Variants in TP63 observed in about 807,000 individuals in gnomAD.
The protein encoded by TP63 is tumor protein p63, also known as tumor protein 63.
TP63 carries 17 observed loss-of-function variants against 82.8 expected under a neutral mutation model. The ratio of observed to expected loss-of-function variants is 0.21; its 90% CI spans 0.14 to 0.31. The LOEUF (loss-of-function observed/expected upper bound fraction) is 0.31, where lower values mean the gene tolerates loss of function less well. TP63 is among the 10% of genes least tolerant of loss of function. The probability of loss-of-function intolerance (pLI) is 1.00; values close to 1 mark genes in which losing one functional copy is unlikely to be tolerated. For synonymous variants in TP63, 330 were observed against 321.7 expected, an observed-to-expected ratio of 1.03 and a Z score of -0.28; for missense variants, 648 against 895.3, an observed-to-expected ratio of 0.72 and a Z score of 3.52.
chr3:189,814,412 G>GT, intron 4 of TP63, among the ~76,000 whole-genome samples: 1 of 152,278 alleles, frequency 6.6e-6, no homozygotes, highest in Admixed American at 6.5e-5. Flanking sequence ...GATTTTATTG[G>GT]TGAGGGGCAG....
intron 1 of TP63, among the ~76,000 whole-genome samples, chr3:189,736,171 T>C (rs1307974875): frequency 6.7e-6 from 1 of 148,996 alleles, no homozygotes; most frequent in African/African-American, 2.4e-5. Flanking sequence ...CTATATTATT[T>C]AATATATTTT....
chr3:189,865,740 T>G (rs116637926), intron 5 of TP63, among the ~76,000 whole-genome samples: 244 of 152,338 alleles, frequency 1.6e-3, no homozygotes, highest in Non-Finnish European at 2.6e-3. Flanking sequence ...GGCCACATTA[T>G]CCGTACATTT....
Position 189,889,517 on chromosome 3 carries a change from C to T in TP63, c.1652+33C>T, listed in dbSNP as rs761974477. ...CACAGCATGTGCCCCTGGGGGCCTG[C>T]CCTAAGCATCCCGGGATGGTGGAGG... On this transcript the variant is annotated intron_variant, in intron 12 of 13. Transcript: ENST00000264731. 28 of 1,613,920 alleles carry T rather than the reference C, an allele frequency of 1.7e-5. No homozygotes were observed. The South Asian group carries it at 2.9e-4, about 16-fold the overall frequency.
At chr3:189,680,811 G>A (rs1447409287) in intron 1 of TP63, among the ~76,000 whole-genome samples, 1 of 152,076 alleles carries the variant, frequency 6.6e-6, no homozygotes, top group Non-Finnish European at 1.5e-5. Flanking sequence ...AGGTACAAGG[G>A]GTCCATCCTA....
At chr3:189,809,244 G>A (rs1007868589) in intron 4 of TP63, among the ~76,000 whole-genome samples, 1 of 152,040 alleles carries the variant, frequency 6.6e-6, no homozygotes, top group Non-Finnish European at 1.5e-5. Context: ...GTTTTCTAAG[G>A]AAGCATGGAA....
chr3:189,871,137 T>G (rs1010835941), intron 9 of TP63, among the ~76,000 whole-genome samples: 2 of 152,156 alleles, frequency 1.3e-5, no homozygotes, highest in African/African-American at 4.8e-5. Context: ...AAATTTCAGT[T>G]TGTACTAAGA....
chr3:189,697,051 C>T (rs1281131931), intron 1 of TP63, among the ~76,000 whole-genome samples: 2 of 151,794 alleles, frequency 1.3e-5, no homozygotes, highest in East Asian at 3.9e-4. Context: ...GTCTAAGTTA[C>T]CAATTATTTT....
intron 3 of TP63, among the ~76,000 whole-genome samples, chr3:189,781,410 TCTC>T (rs1724223486): frequency 6.6e-6 from 1 of 152,082 alleles, no homozygotes; most frequent in African/African-American, 2.4e-5. Flanking sequence ...ACCTGTGACT[TCTC>T]CTATTTTCTA....
At chr3:189,791,188 C>G (rs546494904) in intron 3 of TP63, among the ~76,000 whole-genome samples, 1 of 152,052 alleles carries the variant, frequency 6.6e-6, no homozygotes, top group African/African-American at 2.4e-5. Context: ...AATGATCTGT[C>G]CATCATGTCA....
intron 1 of TP63, among the ~76,000 whole-genome samples, chr3:189,729,208 G>T (rs1270391450): frequency 6.6e-6 from 1 of 152,160 alleles, no homozygotes; most frequent in Non-Finnish European, 1.5e-5. Flanking sequence ...GGAAGAAATT[G>T]GTTAGGATAA....
upstream of TP63, among the ~76,000 whole-genome samples, chr3:189,627,682 A>G (rs1296725716): frequency 6.6e-6 from 1 of 152,170 alleles, no homozygotes; most frequent in Non-Finnish European, 1.5e-5. Context: ...GAAAATATAC[A>G]CATAATCTAT....
chr3:189,840,359 C>CTTTTTTTTTTTTTTTTT, intron 4 of TP63, among the ~76,000 whole-genome samples: 6 of 44,446 alleles, frequency 1.3e-4, no homozygotes, highest in African/African-American at 5.4e-4. Flanking sequence ...TGCTTTTCGT[C>CTTTTTTTTTTTTTTTTT]TTTTTTTTTT....
intron 4 of TP63, among the ~76,000 whole-genome samples, chr3:189,833,452 C>T (rs372668529): frequency 2.6e-5 from 4 of 152,158 alleles, no homozygotes; most frequent in East Asian, 1.9e-4. Context: ...GAATGCAAAA[C>T]GCTTTGCAAA....
intron 4 of TP63, among the ~76,000 whole-genome samples, chr3:189,860,972 T>C (rs1716961283): frequency 6.6e-6 from 1 of 152,324 alleles, no homozygotes; most frequent in South Asian, 2.1e-4. Context: ...TTGTACCCAA[T>C]AGGTATTTTT....
At chr3:189,810,859 C>A (rs866657739) in intron 4 of TP63, among the ~76,000 whole-genome samples, 136 of 120,116 alleles carry the variant, frequency 1.1e-3, no homozygotes, top group South Asian at 1.4e-3. Context: ...AGTCCGTCTC[C>A]AAAAAAAAAA....
intron 3 of TP63, among the ~76,000 whole-genome samples, chr3:189,748,805 A>G (rs1351696596): frequency 6.6e-6 from 1 of 152,158 alleles, no homozygotes; most frequent in Non-Finnish European, 1.5e-5. Flanking sequence ...TAAAGTAACC[A>G]ACAGAGCATG....
the TP63 span, among the ~76,000 whole-genome samples, chr3:189,604,512 T>A: frequency 6.6e-6 from 1 of 152,212 alleles, no homozygotes; most frequent in Non-Finnish European, 1.5e-5. Context: ...GAGTAAAGGA[T>A]AAATCTAGGC....
At chr3:189,720,104 G>A (rs943864934) in intron 1 of TP63, among the ~76,000 whole-genome samples, 5 of 151,978 alleles carry the variant, frequency 3.3e-5, no homozygotes, top group African/African-American at 1.2e-4. Context: ...CAGCAAGCTC[G>A]GCCCACAAGG....
intron 1 of TP63, among the ~76,000 whole-genome samples, chr3:189,671,425 AC>A (rs2108673699): frequency 6.6e-6 from 1 of 152,226 alleles, no homozygotes; most frequent in African/African-American, 2.4e-5. Context: ...GGGAACTCTT[AC>A]ACATTCTTGG....
Sources: allele counts gnomAD v4.1 joint callset (sites outside exome capture counted in the v4.1 genomes callset), GRCh38; gene constraint gnomAD v4.1.1; transcripts MANE v1.5; gene names NCBI Gene and HGNC (gene_info 2026-07-23, HGNC 2026-07-21).